Variants in SLC15A5 observed in about 807,000 individuals in gnomAD.
SLC15A5 encodes Peptide/histidine transporter ENSP00000340402.
Under a neutral mutation model 56.1 loss-of-function variants are expected in SLC15A5, and 58 were observed. The observed-to-expected ratio is 1.03, with a 90% CI of 0.84 to 1.29. The LOEUF is 1.29. SLC15A5 is among the 50% of genes most tolerant of loss of function. The probability of loss-of-function intolerance (pLI) is 0.00; values close to 1 mark genes in which losing one functional copy is unlikely to be tolerated. For missense variants in SLC15A5, 681 were observed against 672.1 expected (o/e 1.01, Z -0.15); for synonymous variants, 264 against 250.5 (o/e 1.05, Z -0.51).
At chr12:16,209,703 C>T (rs921922005) in intron 7 of SLC15A5, among the ~76,000 whole-genome samples, 1 of 152,212 alleles carries the variant, frequency 6.6e-6, no homozygotes, top group Non-Finnish European at 1.5e-5. Context: ...TTGCATCCTA[C>T]TGTCTCCTGA....
intron 7 of SLC15A5, among the ~76,000 whole-genome samples, chr12:16,209,143 C>A (rs1382645984): frequency 6.6e-6 from 1 of 151,652 alleles, no homozygotes; most frequent in Non-Finnish European, 1.5e-5. Context: ...TTTATGAATA[C>A]CTTCCATTCT....
chr12:16,202,986 A>G (rs1275275643), intron 7 of SLC15A5, among the ~76,000 whole-genome samples: 1 of 152,114 alleles, frequency 6.6e-6, no homozygotes, highest in Non-Finnish European at 1.5e-5. Context: ...GGGTGGGGGA[A>G]GGGGAAATAT....
At chr12:16,241,438 C>T (rs1294463863) in intron 4 of SLC15A5, among the ~76,000 whole-genome samples, 1 of 152,146 alleles carries the variant, frequency 6.6e-6, no homozygotes, top group Non-Finnish European at 1.5e-5. Flanking sequence ...GTAAAATGAG[C>T]CTATTGCCAT....
intron 3 of SLC15A5, among the ~76,000 whole-genome samples, chr12:16,253,599 C>G (rs574040522): frequency 6.6e-6 from 1 of 151,988 alleles, no homozygotes; most frequent in Non-Finnish European, 1.5e-5. Flanking sequence ...GGCTGGGTGC[C>G]GTGGCTCACA....
intron 6 of SLC15A5, among the ~76,000 whole-genome samples, chr12:16,222,735 T>C (rs1470787239): frequency 6.6e-6 from 1 of 152,200 alleles, no homozygotes; most frequent in African/African-American, 2.4e-5. Context: ...TCTGTACCTC[T>C]CTGGCTTCTG....
rs769542598 is a variant in SLC15A5 at position 16,239,765 on chromosome 12, G to A, written c.1078C>T (p.Leu360=). ...VMNAISSLPL[L]ILAPFLEYFS... ...TACTCCAGAAAAGGAGCCAGAATTAGTAATGGTAGGCTGCTGATGGCATTC... is the reference window on the plus strand; with the variant it reads ...TACTCCAGAAAAGGAGCCAGAATTAATAATGGTAGGCTGCTGATGGCATTC... The change falls in exon 5 of 9, where the codon CTA becomes TTA. Residue 360 remains leucine, a synonymous_variant. Transcript: ENST00000344941. 6.5e-7 allele frequency: 1 copy of A among 1,537,300 alleles called. No homozygotes were observed. Among genetic ancestry groups the A allele is most frequent in the Middle Eastern group, 1.7e-4 (1 of 5,990 alleles).
chr12:16,245,469 G>A (rs2136791525), intron 3 of SLC15A5, among the ~76,000 whole-genome samples: 1 of 152,260 alleles, frequency 6.6e-6, no homozygotes, highest in African/African-American at 2.4e-5. Flanking sequence ...TGCTTCAGAT[G>A]GCAGCAGTCA....
chr12:16,262,923 AACTGTAAGTCC>A (rs1565674053), intron 2 of SLC15A5, among the ~76,000 whole-genome samples: 1 of 121,260 alleles, frequency 8.2e-6, no homozygotes, highest in East Asian at 2.5e-4. Context: ...AGCCATGTGT[AACTGTAAGTCC>A]AGTTAAACCT....
intron 7 of SLC15A5, among the ~76,000 whole-genome samples, chr12:16,214,732 T>A (rs1420836842): frequency 6.6e-6 from 1 of 152,206 alleles, no homozygotes; most frequent in African/African-American, 2.4e-5. Flanking sequence ...TCTTCTGATT[T>A]GTATTCTTCT....
intron 3 of SLC15A5, among the ~76,000 whole-genome samples, chr12:16,245,035 G>C (rs1460006597): frequency 6.6e-6 from 1 of 152,112 alleles, no homozygotes; most frequent in Non-Finnish European, 1.5e-5. Context: ...TAAGATCAAT[G>C]AAAACATATT....
rs965131370 is a variant in SLC15A5, at chr12:16,196,050, T to C, written c.1484-1597A>G. Reference sequence around the variant, plus strand: ...TGGGTTGTAAAGGTAATCCTGATTATGCTATTAATTTGCAGTAGCTGTGTG... The same window carrying C: ...TGGGTTGTAAAGGTAATCCTGATTACGCTATTAATTTGCAGTAGCTGTGTG... On this transcript the variant is annotated intron_variant, in intron 7 of 8. Transcript: ENST00000344941. This position sits in a 1 kb window ranked among gnomAD's most constrained non-coding sequence, Gnocchi z 4.0. 2.6e-5 allele frequency among the ~76,000 whole-genome samples: 4 copies of C among 152,148 alleles called. No homozygotes were observed. Among genetic ancestry groups the C allele is most frequent in the African/African-American group, 4.8e-5 (2 of 41,462 alleles).
intron 1 of SLC15A5, among the ~76,000 whole-genome samples, chr12:16,273,928 T>G (rs981082817): frequency 4.7e-5 from 7 of 149,036 alleles, no homozygotes; most frequent in Non-Finnish European, 1.0e-4. Flanking sequence ...AAAATATTTA[T>G]ATTTTACTTA....
intron 7 of SLC15A5, among the ~76,000 whole-genome samples, chr12:16,207,036 C>T (rs745468734): frequency 1.3e-5 from 2 of 151,976 alleles, no homozygotes; most frequent in African/African-American, 4.8e-5. Context: ...GATAATAGCC[C>T]GATAATGCCA....
intron 7 of SLC15A5, among the ~76,000 whole-genome samples, chr12:16,216,072 AACT>A (rs72146139): frequency 0.38 from 57,435 of 151,880 alleles, 11,160 homozygotes; most frequent in Middle Eastern, 0.42. Context: ...AGAGAATAGA[AACT>A]AACACTTTCT....
chr12:16,195,803 A>C (rs1323141255), intron 7 of SLC15A5, among the ~76,000 whole-genome samples: 1 of 152,136 alleles, frequency 6.6e-6, no homozygotes, highest in African/African-American at 2.4e-5. Context: ...CAAGTGCATA[A>C]GTATGACAAT....
intron 3 of SLC15A5, among the ~76,000 whole-genome samples, chr12:16,255,685 TA>T (rs928173326): frequency 3.3e-5 from 5 of 150,756 alleles, no homozygotes; most frequent in African/African-American, 7.3e-5. Flanking sequence ...ATGGCAAATG[TA>T]AAAAAAAACC....
intron 1 of SLC15A5, among the ~76,000 whole-genome samples, chr12:16,276,889 C>A (rs187172770): frequency 7.2e-5 from 11 of 152,038 alleles, no homozygotes; most frequent in Admixed American, 5.3e-4. Context: ...AATTAAAAGA[C>A]CACCTTTGGA....
At chr12:16,225,105 ATT>A (rs1243879458) in intron 5 of SLC15A5, among the ~76,000 whole-genome samples, 1 of 151,936 alleles carries the variant, frequency 6.6e-6, no homozygotes, top group Admixed American at 6.6e-5. Flanking sequence ...TATGTGCCAC[ATT>A]TTCTTAATCC....
intron 7 of SLC15A5, among the ~76,000 whole-genome samples, chr12:16,204,204 C>A (rs997345626): frequency 6.6e-6 from 1 of 151,670 alleles, no homozygotes; most frequent in Non-Finnish European, 1.5e-5. Flanking sequence ...ACCTGTAATC[C>A]CAGCACTTTG....
Sources: gnomAD v4.1 joint callset for allele counts (sites outside exome capture counted in the v4.1 genomes callset) on GRCh38, gnomAD v4.1.1 for gene constraint, Gnocchi (gnomAD v3.1) non-coding constraint, MANE v1.5 for transcripts, NCBI Gene and HGNC (gene_info 2026-07-23, HGNC 2026-07-21) for gene names.